Variants in NRXN3 observed in about 807,000 individuals in gnomAD.
NRXN3 encodes neurexin 3.
Under a neutral mutation model 137.6 loss-of-function variants are expected in NRXN3, and 32 were observed. That is an observed-to-expected ratio of 0.23 (90% confidence interval 0.18 to 0.31). The LOEUF (loss-of-function observed/expected upper bound fraction) is 0.31, where lower values mean the gene tolerates loss of function less well. Ranked by LOEUF, NRXN3 falls within the 10% of genes least tolerant of loss-of-function variation. NRXN3 has a pLI of 1.00. For synonymous variants in NRXN3, 798 were observed against 784.5 expected (o/e 1.02, Z -0.29); for missense variants, 1,574 against 2,062.5 (o/e 0.76, Z 4.59).
At chr14:79,375,472 TCTGAGAC>T (rs1183738838) in intron 15 of NRXN3, among the ~76,000 whole-genome samples, 2 of 152,052 alleles carry the variant, frequency 1.3e-5, no homozygotes, top group Non-Finnish European at 2.9e-5. Flanking sequence ...TGGTTTGTTG[TCTGAGAC>T]CTGAGAGTTA....
chr14:78,504,680 T>C (rs1046793544), intron 4 of NRXN3, among the ~76,000 whole-genome samples: 2 of 152,210 alleles, frequency 1.3e-5, no homozygotes, highest in African/African-American at 2.4e-5. Context: ...AACCCATTCA[T>C]AGTGGTCATT....
At chr14:78,382,194 T>C (rs1367595525) in intron 4 of NRXN3, among the ~76,000 whole-genome samples, 1 of 152,240 alleles carries the variant, frequency 6.6e-6, no homozygotes, top group East Asian at 1.9e-4. Flanking sequence ...AGAACATGTG[T>C]TCAGGCCAGA....
chr14:78,760,780 A>G lies in NRXN3; in HGVS notation c.2045-42840A>G, dbSNP rs560571326. 5.3e-5 allele frequency among the ~76,000 whole-genome samples: 8 copies of G among 152,220 alleles called. No homozygotes were observed. The East Asian group carries it at 1.5e-3, about 29-fold the overall frequency. On this transcript the variant is annotated intron_variant, in intron 8 of 20. Transcript: ENST00000335750. ...TGCACTCTAGCAAAATTAACTGTCCATATTTCTTCTCATGAGCCCTTTGCG... is the reference window on the plus strand; with the variant it reads ...TGCACTCTAGCAAAATTAACTGTCCGTATTTCTTCTCATGAGCCCTTTGCG...
intron 19 of NRXN3, among the ~76,000 whole-genome samples, chr14:79,711,522 A>G: frequency 6.6e-6 from 1 of 151,564 alleles, no homozygotes; most frequent in African/African-American, 2.4e-5. Flanking sequence ...GTCTTACTTT[A>G]TTTCCCAGGT....
intron 15 of NRXN3, among the ~76,000 whole-genome samples, chr14:79,095,301 C>A (rs2050097718): frequency 6.6e-6 from 1 of 152,148 alleles, no homozygotes; most frequent in South Asian, 2.1e-4. Context: ...GCACTTGAAT[C>A]TATAATTTCT....
rs545551987 is a variant in NRXN3 at position 78,670,758 on chromosome 14, T to A, written c.1221+19432T>A. Among the ~76,000 whole-genome samples, 4 of 152,196 alleles carry A rather than the reference T, an allele frequency of 2.6e-5. No individual in the cohort carries two copies. In the East Asian group the frequency reaches 7.7e-4, roughly 29 times the overall value. Reference sequence around the variant, plus strand: ...GGGTATGAGAAGACCAACAAGGAGGTAATGAGTAAGATTTATTAACTGATT... The same window carrying A: ...GGGTATGAGAAGACCAACAAGGAGGAAATGAGTAAGATTTATTAACTGATT... On this transcript the variant is annotated intron_variant, in intron 6 of 20. Transcript: ENST00000335750.
chr14:79,417,049 G>A (rs1448977635), intron 15 of NRXN3, among the ~76,000 whole-genome samples: 5 of 152,114 alleles, frequency 3.3e-5, no homozygotes, highest in African/African-American at 1.2e-4. Flanking sequence ...GAAAGATCTG[G>A]AAACTATTTA....
chr14:79,707,059 A>G (rs904070947), intron 19 of NRXN3, among the ~76,000 whole-genome samples: 1 of 152,150 alleles, frequency 6.6e-6, no homozygotes. Context: ...TGTGAGCACC[A>G]TTTATTCATG....
At chr14:78,404,001 A>C in intron 4 of NRXN3, 1 of 524,706 alleles carries the variant, frequency 1.9e-6, no homozygotes, top group Non-Finnish European at 2.4e-6. Flanking sequence ...GGAAGCTTAA[A>C]TGTGGGGCAG....
chr14:79,491,624 A>G (rs1347413482), intron 16 of NRXN3, among the ~76,000 whole-genome samples: 1 of 151,796 alleles, frequency 6.6e-6, no homozygotes, highest in Non-Finnish European at 1.5e-5. Context: ...AACAAAAAAG[A>G]AATGGCTACT....
At chr14:78,263,925 GTT>G (rs1491280928) in intron 2 of NRXN3, among the ~76,000 whole-genome samples, 24 of 134,764 alleles carry the variant, frequency 1.8e-4, no homozygotes, top group Non-Finnish European at 3.7e-4. Context: ...GTGTGTGTGT[GTT>G]TTCCTGACAG....
intron 15 of NRXN3, among the ~76,000 whole-genome samples, chr14:79,459,458 A>G (rs1002140162): frequency 1.3e-5 from 2 of 152,026 alleles, no homozygotes; most frequent in Admixed American, 6.6e-5. Flanking sequence ...ACAAAGGGAA[A>G]ACCATGGGAA....
chr14:79,238,789 T>C (rs1462539896), intron 15 of NRXN3, among the ~76,000 whole-genome samples: 2 of 152,146 alleles, frequency 1.3e-5, no homozygotes, highest in South Asian at 4.1e-4. Context: ...CCATTATTTA[T>C]GTGTAATTTG....
intron 3 of NRXN3, among the ~76,000 whole-genome samples, chr14:78,283,565 A>G (rs1291075265): frequency 6.6e-6 from 1 of 151,546 alleles, no homozygotes; most frequent in Non-Finnish European, 1.5e-5. Flanking sequence ...CTGGCATGTA[A>G]TGGTGCAATC....
chr14:78,709,149 C>T, intron 6 of NRXN3, 68 bp from the exon 7 acceptor site: 2 of 1,431,388 alleles, frequency 1.4e-6, no homozygotes, highest in South Asian at 1.4e-5. Flanking sequence ...TCCAGGTGCC[C>T]AGTGAGTGAT....
intron 4 of NRXN3, among the ~76,000 whole-genome samples, chr14:78,527,135 A>G (rs562946241): frequency 2.6e-5 from 4 of 152,360 alleles, no homozygotes; most frequent in South Asian, 2.1e-4. Flanking sequence ...CCCTTTATTT[A>G]TCCTTACACC....
intron 14 of NRXN3, among the ~76,000 whole-genome samples, chr14:78,981,826 T>G (rs1254655264): frequency 6.6e-6 from 1 of 152,194 alleles, no homozygotes; most frequent in South Asian, 2.1e-4. Flanking sequence ...TTTTCTAATT[T>G]CTTTGACACA....
At chr14:78,787,310 A>G (rs1014977910) in intron 8 of NRXN3, among the ~76,000 whole-genome samples, 3 of 152,172 alleles carry the variant, frequency 2.0e-5, no homozygotes, top group African/African-American at 7.2e-5. Context: ...CCCACATTCT[A>G]GTGAGTACAA....
chr14:78,518,838 A>G (rs1162199614), intron 4 of NRXN3, among the ~76,000 whole-genome samples: 2 of 151,828 alleles, frequency 1.3e-5, no homozygotes, highest in Non-Finnish European at 2.9e-5. Context: ...ACAAAGAACT[A>G]CTCGTTCTGG....
Sources: gnomAD v4.1 joint callset for allele counts (sites outside exome capture counted in the v4.1 genomes callset) on GRCh38, gnomAD v4.1.1 for gene constraint, MANE v1.5 for transcripts, NCBI Gene and HGNC (gene_info 2026-07-23, HGNC 2026-07-21) for gene names.